ALDH6A1: variants seen among roughly 807,000 people sequenced by gnomAD.
ALDH6A1 encodes aldehyde dehydrogenase 6 family member A1.
Under a neutral mutation model 62.6 loss-of-function variants are expected in ALDH6A1, and 43 were observed. The observed-to-expected ratio is 0.69, with a 90% CI of 0.54 to 0.89. The LOEUF (loss-of-function observed/expected upper bound fraction) is 0.89, where lower values mean the gene tolerates loss of function less well. Among genes scored for constraint, ALDH6A1 ranks in the 40% least tolerant of loss-of-function variants. ALDH6A1 has a pLI of 0.00. For missense variants in ALDH6A1, 551 were observed against 661.3 expected, an observed-to-expected ratio of 0.83 and a Z score of 1.83; for synonymous variants, 194 against 234.2, an observed-to-expected ratio of 0.83 and a Z score of 1.57.
Position 74,059,136 on chromosome 14 carries a change from G to A in ALDH6A1, c.*1506C>T. The A allele has an allele frequency of 4.2e-5, 7 of 165,304 alleles. No individual in the cohort carries two copies. The highest frequency in any genetic ancestry group is 1.1e-4 in the South Asian group (1 of 9,372). The allele number at this position is 165,304 out of a possible 1,614,324, so 10.2% of individuals were successfully genotyped here. A position where few individuals can be genotyped will look rare whatever the true frequency, so the allele number is the denominator to read the frequency against. On this transcript the variant is annotated 3_prime_UTR_variant, in exon 12 of 12. Coordinates refer to ENST00000553458, the MANE Select transcript of ALDH6A1 (RefSeq NM_005589.4). ...AAAGGCAGTTGAACTAATGGCAGAA[G>A]AAGACTGTCAAAGCATTTTTTTTTA...
chr14:74,057,067 T>C lies in ALDH6A1; in HGVS notation c.*3575A>G. ...TTGAATGTGCTAATTGAAAGTAATA[T>C]GACAAGTCTGTTATTCTAAACCAGG... On this transcript the variant is annotated 3_prime_UTR_variant, in exon 12 of 12. Coordinates refer to ENST00000553458, the MANE Select transcript of ALDH6A1 (RefSeq NM_005589.4). The C allele has an allele frequency of 1.9e-6, 3 of 1,594,036 alleles. No homozygotes were observed. Among genetic ancestry groups the C allele is most frequent in the East Asian group, 2.2e-5 (1 of 44,718 alleles).
intron 11 of ALDH6A1, among the ~76,000 whole-genome samples, chr14:74,064,402 G>A (rs540833410): frequency 6.6e-6 from 1 of 151,920 alleles, no homozygotes; most frequent in African/African-American, 2.4e-5. Flanking sequence ...GAAAAAATAC[G>A]TGCAATGGGA....
Position 74,068,860 on chromosome 14 carries a change from C to A in ALDH6A1, c.852G>T (p.Met284Ile). The A allele has an allele frequency of 6.2e-7, 1 of 1,613,888 alleles. No individual in the cohort carries two copies. Among genetic ancestry groups the A allele is most frequent in the Non-Finnish European group, 8.5e-7 (1 of 1,179,900 alleles). The change falls in exon 7 of 12, where the codon ATG becomes ATT. Residue 284 changes from methionine (M) to isoleucine (I), a missense_variant and splice_region_variant. Transcript: ENST00000553458. ...SRHGKRVQAN[M>I]GAKNHGVVMP... ...GGAGAAAAAAGGAATAAGAAGTCAC[C>A]ATATTGGCTTGAACCCTCTTGCCAT...
Position 74,069,528 on chromosome 14 carries a change from A to C in ALDH6A1, c.731-547T>G, listed in dbSNP as rs1199662208. 2.0e-5 allele frequency among the ~76,000 whole-genome samples: 3 copies of C among 151,870 alleles called. No individual in the cohort carries two copies. In the South Asian group the frequency reaches 6.2e-4, roughly 32 times the overall value. On this transcript the variant is annotated intron_variant, in intron 6 of 11. Coordinates refer to ENST00000553458, the MANE Select transcript of ALDH6A1 (RefSeq NM_005589.4). Reference sequence around the variant, plus strand: ...CACTTTGGGAGGCCGAGGCAGGTGGATCACCTGAGGTCAGGAGTTCGAGAC... The same window carrying C: ...CACTTTGGGAGGCCGAGGCAGGTGGCTCACCTGAGGTCAGGAGTTCGAGAC...
intron 11 of ALDH6A1, among the ~76,000 whole-genome samples, chr14:74,063,320 G>A (rs2060388934): frequency 1.3e-5 from 2 of 151,574 alleles, no homozygotes; most frequent in South Asian, 4.2e-4. Flanking sequence ...CCGAGTAGCT[G>A]GGATTATAGG....
rs1033019758 is a variant in ALDH6A1 at position 74,071,821 on chromosome 14, C to T, written c.427+75G>A. ...AAATCTATGTAAAGGAAGAAGCAAC[C>T]TCCCATTCTGCGATCTTTGCCTCCC... On this transcript the variant is annotated intron_variant, in intron 5 of 11. Transcript: ENST00000553458. 4.5e-6 allele frequency: 7 copies of T among 1,540,484 alleles called. No homozygotes were observed. In the African/African-American group the frequency reaches 8.2e-5, roughly 18 times the overall value.
At chr14:74,061,227 C>T (rs1165096095) in intron 11 of ALDH6A1, among the ~76,000 whole-genome samples, 1 of 152,152 alleles carries the variant, frequency 6.6e-6, no homozygotes. Flanking sequence ...ATCCGCCTTC[C>T]TCGGCCTCTC....
chr14:74,071,474 C>A lies in ALDH6A1; in HGVS notation c.451G>T (p.Val151Leu), dbSNP rs767706541. ...GLQVVEHACS[V>L]TSLMMGETMP... ...GTCTCTCCCATCATGAGGGATGTCA[C>A]ACTACAGGCATGCTCAACCACCTCT... is the stretch of plus-strand genomic sequence containing the variant. The change falls in exon 6 of 12, where the codon GTG (valine) becomes TTG (leucine). Residue 151 changes from valine (V) to leucine (L), a missense_variant. Physicochemically the swap from Val to Leu is conservative, Grantham distance 32. Transcript: ENST00000553458. 6.2e-7 allele frequency: 1 copy of A among 1,614,068 alleles called. No homozygotes were observed. Among genetic ancestry groups the A allele is most frequent in the East Asian group, 2.2e-5 (1 of 44,878 alleles).
chr14:74,063,844 C>G (rs567159731), intron 11 of ALDH6A1, among the ~76,000 whole-genome samples: 4 of 143,984 alleles, frequency 2.8e-5, no homozygotes, highest in Middle Eastern at 3.6e-3. Flanking sequence ...CCAGCCTGTG[C>G]GACAGAGTGA....
chr14:74,061,619 C>T (rs2060344050), intron 11 of ALDH6A1, among the ~76,000 whole-genome samples: 1 of 152,144 alleles, frequency 6.6e-6, no homozygotes, highest in Non-Finnish European at 1.5e-5. Flanking sequence ...AGCCACTGTA[C>T]CCAGCGGCCA....
intron 5 of ALDH6A1, 155 bp downstream of exon 5, chr14:74,071,741 G>T: frequency 7.0e-7 from 1 of 1,438,262 alleles, no homozygotes. Flanking sequence ...CAGTCTTAGG[G>T]ATACTGAATA....
In ALDH6A1 at chr14:74,057,803, T is replaced by G; in HGVS notation, c.*2839A>C. 1 of 1,040,064 alleles carries G rather than the reference T, an allele frequency of 9.6e-7. No homozygotes were observed. The highest frequency in any genetic ancestry group is 3.3e-5 in the South Asian group (1 of 30,484). The allele number at this position is 1,040,064 out of a possible 1,614,324, so 64.4% of individuals were successfully genotyped here. ...GCCGCGATCACATGAATATAACTGATGAGTTTTTTTCATCTAAGAAATAAG... is the reference window on the plus strand; with the variant it reads ...GCCGCGATCACATGAATATAACTGAGGAGTTTTTTTCATCTAAGAAATAAG... On this transcript the variant is annotated 3_prime_UTR_variant, in exon 12 of 12. Transcript: ENST00000553458.
intron 9 of ALDH6A1, among the ~76,000 whole-genome samples, chr14:74,066,307 T>C (rs1427013454): frequency 6.6e-6 from 1 of 152,220 alleles, no homozygotes; most frequent in Non-Finnish European, 1.5e-5. Flanking sequence ...TTTTGCATTT[T>C]TAAATGGTTG....
intron 1 of ALDH6A1, among the ~76,000 whole-genome samples, chr14:74,076,162 A>G (rs1700455660): frequency 6.6e-6 from 1 of 152,232 alleles, no homozygotes; most frequent in Non-Finnish European, 1.5e-5. Context: ...AACTCATCAA[A>G]CTGCATACTT....
At position 74,084,427 on chromosome 14, in the gene ALDH6A1, C is replaced by T; in HGVS notation, c.-33G>A. 1 of 1,611,082 alleles carries T rather than the reference C, an allele frequency of 6.2e-7. No individual in the cohort carries two copies. Among genetic ancestry groups the T allele is most frequent in the Non-Finnish European group, 8.5e-7 (1 of 1,179,406 alleles). On this transcript the variant is annotated 5_prime_UTR_variant, in exon 1 of 12. Transcript: ENST00000553458. ...GGCCGCCCTAGCTCCGCACCCCGCG[C>T]CTCTACTGCCCAGAAGCACTACAGC...
rs988048857 is a variant in ALDH6A1, at chr14:74,057,081, T to C, written c.*3561A>G. The stretch of plus-strand genomic sequence containing the variant: ...TGAAAGTAATATGACAAGTCTGTTA[T>C]TCTAAACCAGGTTTCATGTGTGTAG... On this transcript the variant is annotated 3_prime_UTR_variant, in exon 12 of 12. Transcript: ENST00000553458. The C allele has an allele frequency of 4.8e-5, 76 of 1,597,390 alleles. No homozygotes were observed. The Admixed American group carries it at 4.8e-4, about 10-fold the overall frequency.
chr14:74,077,754 G>C (rs1164472038), intron 1 of ALDH6A1, among the ~76,000 whole-genome samples: 2 of 152,116 alleles, frequency 1.3e-5, no homozygotes, highest in African/African-American at 2.4e-5. Flanking sequence ...TTTTGGTGGA[G>C]ACAAACCAAC....
At chr14:74,074,354 T>A (rs1308735882) in intron 2 of ALDH6A1, among the ~76,000 whole-genome samples, 1 of 151,408 alleles carries the variant, frequency 6.6e-6, no homozygotes, top group African/African-American at 2.4e-5. Context: ...TGGTGCGATC[T>A]TGGCTCACTG....
In ALDH6A1 at chr14:74,070,829, T is replaced by C. The variant is rs1187751731; in HGVS notation, c.730+366A>G. 1.5e-5 allele frequency: 4 copies of C among 267,138 alleles called. No homozygotes were observed. The East Asian group carries it at 4.0e-4, about 26-fold the overall frequency. 16.5% of individuals were successfully genotyped at this position (267,138 alleles called of 1,614,324 possible). On this transcript the variant is annotated intron_variant, in intron 6 of 11. Coordinates refer to ENST00000553458, the MANE Select transcript of ALDH6A1 (RefSeq NM_005589.4). ...AAACACAGAAGCACTATTTAAGTATTAGCTATTATTACATGAATTAGAAGG... is the reference window on the plus strand; with the variant it reads ...AAACACAGAAGCACTATTTAAGTATCAGCTATTATTACATGAATTAGAAGG...
Sources: gnomAD v4.1 joint callset for allele counts (sites outside exome capture counted in the v4.1 genomes callset) on GRCh38, gnomAD v4.1.1 for gene constraint, MANE v1.5 for transcripts, NCBI Gene and HGNC (gene_info 2026-07-23, HGNC 2026-07-21) for gene names.